The following EHBP1 variants were observed in gnomAD, a reference collection of about 807,000 sequenced individuals.
EHBP1 encodes EH domain binding protein 1, also known as EH domain-binding protein 1.
A neutral mutation model predicts 144.0 loss-of-function variants in EHBP1; 55 were observed. That is an observed-to-expected ratio of 0.38 (90% confidence interval 0.31 to 0.48). The LOEUF (loss-of-function observed/expected upper bound fraction) is 0.48, where lower values mean the gene tolerates loss of function less well. EHBP1 is among the 20% of genes least tolerant of loss of function. The pLI, the probability that EHBP1 is intolerant of heterozygous loss-of-function variation, is 0.98. For synonymous variants in EHBP1, 469 were observed against 472.7 expected (o/e 0.99, Z 0.10); for missense variants, 1,200 against 1,364.2 (o/e 0.88, Z 1.90).
chr2:62,831,223 A>C, intron 7 of EHBP1, 65 bp downstream of exon 7: 22 of 1,470,610 alleles, frequency 1.5e-5, no homozygotes, highest in Non-Finnish European at 2.0e-5. Context: ...ACTCATTCTC[A>C]TTTCCCAGGA....
chr2:62,978,507 C>A (rs888291152), intron 14 of EHBP1, among the ~76,000 whole-genome samples: 1 of 152,056 alleles, frequency 6.6e-6, no homozygotes, highest in African/African-American at 2.4e-5. Flanking sequence ...AGCCAATAAT[C>A]CTTTTTTTAG....
At position 62,862,914 on chromosome 2, in the gene EHBP1, T is replaced by TA. The variant is rs200238261; in HGVS notation, c.758-1807dup. ...TTTTGTTTTAAAATACTAACAAACA[T>TA]AAAAAAAAAAGCCTCGTGCTAAGTA... On this transcript the variant is annotated intron_variant, in intron 8 of 22. Transcript: ENST00000431489. Among the ~76,000 whole-genome samples the TA allele has an allele frequency of 7.8e-3, 1,151 of 148,138 alleles. 64 individuals carry two copies. In the South Asian group the frequency reaches 0.11, roughly 14 times the overall value.
intron 18 of EHBP1, 44 bp downstream of exon 18, chr2:62,994,021 A>ACATACAGTTTGG: frequency 7.4e-7 from 1 of 1,356,042 alleles, no homozygotes; most frequent in Non-Finnish European, 1.0e-6. Context: ...TGATAATTCC[A>ACATACAGTTTGG]AACTGTATGT....
chr2:62,942,021 A>G (rs772248626), intron 10 of EHBP1, among the ~76,000 whole-genome samples: 8 of 152,120 alleles, frequency 5.3e-5, no homozygotes, highest in Non-Finnish European at 1.0e-4. Flanking sequence ...TATACTTACC[A>G]TTTAAAACAC....
intron 10 of EHBP1, among the ~76,000 whole-genome samples, chr2:62,911,010 G>A (rs1574017916): frequency 1.3e-5 from 2 of 152,082 alleles, no homozygotes; most frequent in Middle Eastern, 3.2e-3. Context: ...TTCAGGTCCC[G>A]GCTTTCATAC....
At chr2:62,888,540 A>T (rs1371349868) in intron 10 of EHBP1, among the ~76,000 whole-genome samples, 4 of 152,198 alleles carry the variant, frequency 2.6e-5, no homozygotes, top group African/African-American at 9.6e-5. Context: ...ATTTTTCTTT[A>T]TGAAGACAAA....
upstream of EHBP1, among the ~76,000 whole-genome samples, chr2:62,704,373 C>G (rs2034378181): frequency 6.6e-6 from 1 of 152,190 alleles, no homozygotes; most frequent in East Asian, 1.9e-4. Context: ...TCCACTTTGT[C>G]TTGGCCCCCA....
At chr2:62,865,703 A>G (rs945627395) in intron 9 of EHBP1, among the ~76,000 whole-genome samples, 3 of 152,232 alleles carry the variant, frequency 2.0e-5, no homozygotes, top group Admixed American at 1.3e-4. Context: ...GACATTGGAC[A>G]CAAACAGCAC....
chr2:62,915,853 A>G (rs1014345270), intron 10 of EHBP1, among the ~76,000 whole-genome samples: 2 of 152,320 alleles, frequency 1.3e-5, no homozygotes, highest in African/African-American at 2.4e-5. Flanking sequence ...AACAAACACA[A>G]TCTCATTCAG....
At chr2:63,004,404 G>A (rs916884800) in intron 19 of EHBP1, among the ~76,000 whole-genome samples, 1 of 152,048 alleles carries the variant, frequency 6.6e-6, no homozygotes. Context: ...AGGGCATATG[G>A]GAAGGTCCTC....
intron 16 of EHBP1, among the ~76,000 whole-genome samples, chr2:62,991,926 C>G (rs1315847255): frequency 6.6e-6 from 1 of 152,146 alleles, no homozygotes; most frequent in Non-Finnish European, 1.5e-5. Context: ...GACTTTTGGT[C>G]TCTATCTTTG....
intron 16 of EHBP1, 115 bp downstream of exon 16, chr2:62,990,955 A>C: frequency 7.6e-7 from 1 of 1,310,696 alleles, no homozygotes; most frequent in East Asian, 2.6e-5. Flanking sequence ...TATTAAGATT[A>C]GGGTATAAGA....
At position 62,843,981 on chromosome 2, in the gene EHBP1, A is replaced by C. The variant is rs984420240; in HGVS notation, c.634+12823A>C. The stretch of plus-strand genomic sequence containing the variant: ...TTATTATTTTAAATTGTTCCTGTTA[A>C]TTATATCTTAATATTATAATCTAAA... On this transcript the variant is annotated intron_variant, in intron 7 of 22. Coordinates refer to ENST00000431489, the MANE Select transcript of EHBP1 (RefSeq NM_001142616.3). 2.6e-5 allele frequency among the ~76,000 whole-genome samples: 4 copies of C among 152,202 alleles called. No homozygotes were observed. The East Asian group carries it at 5.8e-4, about 22-fold the overall frequency.
At chr2:62,729,300 TTATAA>T (rs1240635450) in intron 2 of EHBP1, among the ~76,000 whole-genome samples, 7 of 131,884 alleles carry the variant, frequency 5.3e-5, no homozygotes, top group South Asian at 2.2e-4. Context: ...ATATAATATT[TTATAA>T]TATAATATAA....
chr2:62,857,014 C>T (rs2049115346), intron 7 of EHBP1, among the ~76,000 whole-genome samples: 1 of 152,048 alleles, frequency 6.6e-6, no homozygotes, highest in South Asian at 2.1e-4. Context: ...AAGGGGGTCA[C>T]AAGTTAAGGA....
intron 1 of EHBP1, among the ~76,000 whole-genome samples, chr2:62,688,264 G>A (rs967724699): frequency 6.6e-6 from 1 of 151,990 alleles, no homozygotes; most frequent in African/African-American, 2.4e-5. Context: ...TATACTCTAC[G>A]CTCCCCTCAG....
At chr2:62,832,067 A>C (rs1173204790) in intron 7 of EHBP1, among the ~76,000 whole-genome samples, 1 of 152,222 alleles carries the variant, frequency 6.6e-6, no homozygotes, top group African/African-American at 2.4e-5. Context: ...ACTTGTGTGC[A>C]AAATTAGATG....
chr2:62,806,725 T>G (rs532168359), intron 5 of EHBP1, among the ~76,000 whole-genome samples: 1 of 151,052 alleles, frequency 6.6e-6, no homozygotes, highest in African/African-American at 2.4e-5. Flanking sequence ...AATTGTTAAT[T>G]TTTTTTTTTA....
chr2:62,764,218 T>C, intron 3 of EHBP1, 48 bp from the exon 4 acceptor site: 2 of 1,298,964 alleles, frequency 1.5e-6, no homozygotes, highest in African/African-American at 1.5e-5. Flanking sequence ...ATTACTAACA[T>C]TGCATTTCCC....
Sources: gnomAD v4.1 joint callset for allele counts (sites outside exome capture counted in the v4.1 genomes callset) on GRCh38, gnomAD v4.1.1 for gene constraint, MANE v1.5 for transcripts, NCBI Gene and HGNC (gene_info 2026-07-23, HGNC 2026-07-21) for gene names.